ATP7A: variants seen among roughly 807,000 people sequenced by gnomAD.
The protein encoded by ATP7A is copper-transporting ATPase 1.
ATP7A carries 7 observed loss-of-function variants against 83.5 expected under a neutral mutation model. The observed-to-expected ratio is 0.08, with a 90% CI of 0.05 to 0.16. The LOEUF is 0.16. Ranked by LOEUF, ATP7A falls within the 10% of genes least tolerant of loss-of-function variation. The pLI is 1.00. For missense variants in ATP7A, 940 were observed against 1,120.8 expected (o/e 0.84, Z 2.30); for synonymous variants, 354 against 395.2 (o/e 0.90, Z 1.24).
Position 77,971,549 on chromosome X carries a change from G to A in ATP7A, c.-21-72G>A, listed in dbSNP as rs1487741638. 4 of 988,247 alleles carry A rather than the reference G, an allele frequency of 4.0e-6. No homozygotes were observed. In the African/African-American group the frequency reaches 7.6e-5, roughly 19 times the overall value. The allele number at this position is 988,247 out of a possible 1,213,427, so 81.4% of individuals were successfully genotyped here. On this transcript the variant is annotated intron_variant, in intron 1 of 22. Coordinates refer to ENST00000341514, the MANE Select transcript of ATP7A (RefSeq NM_000052.7). ...TATAAAATGTAGCATATTTTTAATTGGGGAGGTGGGGGAAAAGTTGAGGAA... is the reference window on the plus strand; with the variant it reads ...TATAAAATGTAGCATATTTTTAATTAGGGAGGTGGGGGAAAAGTTGAGGAA...
At chrX:77,972,232 C>T (rs1212276099) in intron 2 of ATP7A, among the ~76,000 whole-genome samples, 1 of 110,792 alleles carries the variant, frequency 9.0e-6, no homozygotes, top group Non-Finnish European at 1.9e-5. Context: ...TGCTCTGTCA[C>T]CCAGGCTGCA....
chrX:77,965,242 G>T lies in ATP7A; in HGVS notation c.-21-6379G>T, dbSNP rs528974807. Among the ~76,000 whole-genome samples, 5 of 111,456 alleles carry T rather than the reference G, an allele frequency of 4.5e-5. No individual in the cohort carries two copies. In the East Asian group the frequency reaches 1.1e-3, roughly 25 times the overall value. ...AAAAAGAGTGAAAGACAACCAACTG[G>T]ATAGGAGAAAGTATTTGAAAGTCAT... On this transcript the variant is annotated intron_variant, in intron 1 of 22. Coordinates refer to ENST00000341514, the MANE Select transcript of ATP7A (RefSeq NM_000052.7).
At position 77,932,225 on chromosome X, in the gene ATP7A, C is replaced by T. The variant is rs782313637; in HGVS notation, c.-22+21390C>T. Among the ~76,000 whole-genome samples the T allele has an allele frequency of 3.3e-3, 344 of 104,956 alleles. 1 individual carries two copies. The highest frequency in any genetic ancestry group is 5.6e-3 in the Non-Finnish European group (286 of 51,051). 91.1% of individuals were successfully genotyped at this position (104,956 alleles called of 115,157 possible). ...GCAGAGACGCTCCTCACCTCCCAGA[C>T]GGGGTCGCGGCCGGGCAGAGGCGCT... On this transcript the variant is annotated intron_variant, in intron 1 of 22. Coordinates refer to ENST00000341514, the MANE Select transcript of ATP7A (RefSeq NM_000052.7).
chrX:77,939,255 C>T (rs782350678), intron 1 of ATP7A, among the ~76,000 whole-genome samples: 2 of 109,794 alleles, frequency 1.8e-5, no homozygotes, highest in East Asian at 2.8e-4. Context: ...TGAGATTGCA[C>T]CACTGCACTC....
At chrX:77,971,125 G>A (rs568288657) in intron 1 of ATP7A, among the ~76,000 whole-genome samples, 17 of 111,958 alleles carry the variant, frequency 1.5e-4, no homozygotes, top group East Asian at 1.4e-3. Flanking sequence ...CCTTGCATGC[G>A]TAACAGCCAG....
intron 1 of ATP7A, chrX:77,966,822 G>A (rs1557228822): frequency 9.1e-6 from 3 of 328,327 alleles, no homozygotes; most frequent in East Asian, 2.0e-4. Flanking sequence ...TGTGCAGAAC[G>A]TGCAGGTTTG....
intron 1 of ATP7A, among the ~76,000 whole-genome samples, chrX:77,929,043 T>C (rs1372699931): frequency 9.0e-6 from 1 of 111,125 alleles, no homozygotes; most frequent in Non-Finnish European, 1.9e-5. Flanking sequence ...ATTGAAGGAA[T>C]AGCTGCTCAG....
chrX:77,942,877 C>T (rs782204816), intron 1 of ATP7A, among the ~76,000 whole-genome samples: 4 of 112,033 alleles, frequency 3.6e-5, no homozygotes, highest in East Asian at 2.8e-4. Flanking sequence ...GGCATGATCT[C>T]GGCTGACTGC....
At chrX:77,993,306 A>G (rs1285121848) in intron 4 of ATP7A, among the ~76,000 whole-genome samples, 1 of 111,889 alleles carries the variant, frequency 8.9e-6, no homozygotes, top group Admixed American at 9.5e-5. Context: ...TATTTTTGCA[A>G]CTCACATTTT....
rs782518761 is a variant in ATP7A, at chrX:77,951,086, A to T, written c.-21-20535A>T. ...TCAGCGATTTCTAGTATGTTCACAG[A>T]CTTGTGCAACTATCATCACTATCTA... On this transcript the variant is annotated intron_variant, in intron 1 of 22. Coordinates refer to ENST00000341514, the MANE Select transcript of ATP7A (RefSeq NM_000052.7). Among the ~76,000 whole-genome samples the T allele has an allele frequency of 4.5e-5, 5 of 112,228 alleles. No homozygotes were observed. The East Asian group carries it at 1.4e-3, about 31-fold the overall frequency.
intron 4 of ATP7A, among the ~76,000 whole-genome samples, chrX:77,997,873 G>A (rs1486157503): frequency 9.1e-6 from 1 of 110,162 alleles, no homozygotes; most frequent in East Asian, 2.8e-4. Flanking sequence ...ATATATGTAT[G>A]TTAAAAATTC....
intron 1 of ATP7A, among the ~76,000 whole-genome samples, chrX:77,924,983 C>A (rs782014858): frequency 8.9e-6 from 1 of 111,863 alleles, no homozygotes; most frequent in African/African-American, 3.3e-5. Flanking sequence ...TGAGCCACTA[C>A]GCCCAGCCAG....
intron 1 of ATP7A, among the ~76,000 whole-genome samples, chrX:77,948,100 T>C (rs187692747): frequency 0.013 from 1,141 of 89,704 alleles, 22 homozygotes; most frequent in African/African-American, 0.042. Flanking sequence ...TTTATTTATT[T>C]ATTCATTCAT....
intron 1 of ATP7A, among the ~76,000 whole-genome samples, chrX:77,937,902 C>T (rs2077329076): frequency 9.2e-6 from 1 of 108,391 alleles, no homozygotes; most frequent in South Asian, 4.0e-4. Context: ...CACACACACA[C>T]ACACACACAT....
Position 78,031,468 on chromosome X carries a change from G to T in ATP7A, c.3180G>T (p.Lys1060Asn). ...GAACCCCAGTGGTGAATCAAGTAAA[G>T]GTTCTAACTGAAAGTAACAGAATAT... ...THGTPVVNQVKVLTESNRISH... is the reference protein window; with the variant it reads ...THGTPVVNQVNVLTESNRISH... The change falls in exon 16 of 23, where the codon AAG (lysine) becomes AAT (asparagine). Residue 1060 changes from lysine (K) to asparagine (N), a missense_variant. Physicochemically the swap from Lys to Asn is moderately conservative, Grantham distance 94. This residue lies in a region of ATP7A where 386 missense variants were observed against 502.2 expected (regional missense o/e 0.77). Transcript: ENST00000341514. The T allele has an allele frequency of 8.3e-7, 1 of 1,210,747 alleles. No homozygotes were observed. Among genetic ancestry groups the T allele is most frequent in the Non-Finnish European group, 1.1e-6 (1 of 894,534 alleles).
intron 13 of ATP7A, 87 bp downstream of exon 13, chrX:78,020,485 T>A: frequency 1.8e-6 from 2 of 1,089,501 alleles, no homozygotes; most frequent in Non-Finnish European, 2.5e-6. Flanking sequence ...CGTTTTCCAA[T>A]AAAAATTTTA....
At chrX:77,965,418 C>T (rs925046948) in intron 1 of ATP7A, 17 of 323,337 alleles carry the variant, frequency 5.3e-5, no homozygotes, top group Non-Finnish European at 8.4e-5. Context: ...TGAAAAGATG[C>T]TTGACATCAT....
intron 1 of ATP7A, among the ~76,000 whole-genome samples, chrX:77,937,071 A>T (rs369628998): frequency 8.8e-6 from 1 of 113,080 alleles, no homozygotes; most frequent in Non-Finnish European, 1.9e-5. Context: ...ATATGAAAAT[A>T]GCAAATAAAG....
At chrX:77,990,169 G>A (rs1203793196) in intron 4 of ATP7A, among the ~76,000 whole-genome samples, 1 of 111,639 alleles carries the variant, frequency 9.0e-6, no homozygotes, top group Non-Finnish European at 1.9e-5. Flanking sequence ...ACAATAACTC[G>A]TGGTGCAACA....
Sources: allele counts gnomAD v4.1 joint callset (sites outside exome capture counted in the v4.1 genomes callset), GRCh38; gene constraint gnomAD v4.1.1; regional missense constraint gnomAD v4.1.1; transcripts MANE v1.5; gene names NCBI Gene and HGNC (gene_info 2026-07-23, HGNC 2026-07-21).